The following DCUN1D4 variants were observed in gnomAD, a reference collection of about 807,000 sequenced individuals.
DCUN1D4 encodes defective in cullin neddylation 1 domain containing 4, also known as DCN1-like protein 4.
In DCUN1D4, 22 loss-of-function variants were observed where a neutral mutation model predicts 47.9. The observed-to-expected ratio is 0.46, with a 90% CI of 0.33 to 0.66. DCUN1D4 has a LOEUF of 0.66. Among genes scored for constraint, DCUN1D4 ranks in the 30% least tolerant of loss-of-function variants. The probability of loss-of-function intolerance (pLI) is 0.02; values close to 1 mark genes in which losing one functional copy is unlikely to be tolerated. For synonymous variants in DCUN1D4, 121 were observed against 112.2 expected (o/e 1.08, Z -0.50); for missense variants, 301 against 340.8 (o/e 0.88, Z 0.92).
intron 5 of DCUN1D4, among the ~76,000 whole-genome samples, chr4:51,883,187 G>A (rs968958533): frequency 1.3e-5 from 2 of 152,322 alleles, no homozygotes; most frequent in South Asian, 4.1e-4. Context: ...AAAAGGCAAG[G>A]TGTAGAATTA....
chr4:51,866,822 G>A (rs1033214333), intron 3 of DCUN1D4, among the ~76,000 whole-genome samples: 4 of 152,188 alleles, frequency 2.6e-5, no homozygotes, highest in Admixed American at 2.6e-4. Context: ...CCAATACTGG[G>A]AGTACTTTTC....
At chr4:51,834,096 C>CTTTTTTTTTTTTTTTTTTTTTT in the DCUN1D4 span, among the ~76,000 whole-genome samples, 1 of 43,582 alleles carries the variant, frequency 2.3e-5, no homozygotes, top group African/African-American at 2.1e-4. Context: ...CTTTTCTTTT[C>CTTTTTTTTTTTTTTTTTTTTTT]TTCTTTCTTT....
Position 51,913,565 on chromosome 4 carries a change from A to G in DCUN1D4, c.860A>G (p.Lys287Arg). ...VLLDEFVEWY[K>R]DKQMS The stretch of plus-strand genomic sequence containing the variant: ...TTGGACGAGTTTGTGGAGTGGTATA[A>G]AGACAAACAGATGTCCTAGGACTTT... Residue 287 changes from lysine to arginine, a missense_variant, in exon 11 of 11, where the codon AAA becomes AGA. This residue lies in a region of DCUN1D4 where 170 missense variants were observed against 234.5 expected (regional missense o/e 0.73). Coordinates refer to ENST00000334635, the MANE Select transcript of DCUN1D4 (RefSeq NM_001040402.3). 6.2e-7 allele frequency: 1 copy of G among 1,612,976 alleles called. No individual in the cohort carries two copies. Among genetic ancestry groups the G allele is most frequent in the South Asian group, 1.1e-5 (1 of 90,984 alleles).
At chr4:51,834,673 C>T in the DCUN1D4 span, among the ~76,000 whole-genome samples, 1 of 151,968 alleles carries the variant, frequency 6.6e-6, no homozygotes, top group Non-Finnish European at 1.5e-5. Context: ...TGGGCCTTGT[C>T]CCGAAAATGG....
chr4:51,880,816 TC>T (rs1388955898), intron 5 of DCUN1D4, among the ~76,000 whole-genome samples: 3 of 152,100 alleles, frequency 2.0e-5, no homozygotes, highest in Non-Finnish European at 4.4e-5. Flanking sequence ...GAACCTGGAA[TC>T]CCATTTTGTT....
chr4:51,911,602 C>G (rs1297984891), intron 9 of DCUN1D4, among the ~76,000 whole-genome samples: 1 of 152,186 alleles, frequency 6.6e-6, no homozygotes, highest in Non-Finnish European at 1.5e-5. Flanking sequence ...ATGTTCTTAT[C>G]TACTCTTGTC....
At chr4:51,885,702 G>A (rs1729373690) in intron 5 of DCUN1D4, among the ~76,000 whole-genome samples, 1 of 152,056 alleles carries the variant, frequency 6.6e-6, no homozygotes, top group South Asian at 2.1e-4. Flanking sequence ...GTATATAGCA[G>A]GCACTAGAAG....
chr4:51,876,930 GTAT>G (rs1281382823), intron 4 of DCUN1D4, among the ~76,000 whole-genome samples: 2 of 152,136 alleles, frequency 1.3e-5, no homozygotes, highest in Non-Finnish European at 2.9e-5. Context: ...ATATAAAAAT[GTAT>G]ATACTTATAA....
At chr4:51,864,487 A>C (rs1725587951) in intron 3 of DCUN1D4, among the ~76,000 whole-genome samples, 1 of 152,268 alleles carries the variant, frequency 6.6e-6, no homozygotes, top group African/African-American at 2.4e-5. Flanking sequence ...TGCTGTAACA[A>C]AAATACCTTA....
intron 1 of DCUN1D4, among the ~76,000 whole-genome samples, chr4:51,849,392 G>A (rs1414027630): frequency 1.3e-5 from 2 of 152,110 alleles, no homozygotes; most frequent in Admixed American, 6.6e-5. Flanking sequence ...TCTAATAGCC[G>A]CCTCCCCTTT....
chr4:51,912,831 G>C (rs965198222), intron 9 of DCUN1D4, among the ~76,000 whole-genome samples: 1 of 152,200 alleles, frequency 6.6e-6, no homozygotes, highest in African/African-American at 2.4e-5. Flanking sequence ...CGAAGGCTTG[G>C]CCATGGGCAG....
In DCUN1D4 at chr4:51,874,388, A is replaced by AC. The variant is rs1385086938; in HGVS notation, c.251+3_251+4insC. The stretch of plus-strand genomic sequence containing the variant: ...GCCAAGAAAAGTAGACATGATAGGT[A>AC]TGATGTAGAGACAGTAGATCAGAAT... On this transcript the variant is annotated splice_donor_region_variant and intron_variant, in intron 4 of 10. Transcript: ENST00000334635. 6.3e-7 allele frequency: 1 copy of AC among 1,599,476 alleles called. No individual in the cohort carries two copies. Among genetic ancestry groups the AC allele is most frequent in the South Asian group, 1.1e-5 (1 of 90,478 alleles).
At chr4:51,843,051 C>T (rs1387688096), upstream of DCUN1D4, 1 of 1,384,012 alleles carries the variant, frequency 7.2e-7, no homozygotes, top group Admixed American at 3.2e-5. Context: ...ATGGGCACTC[C>T]TTTTGTCAAA....
At chr4:51,882,824 G>A (rs1728879861) in intron 5 of DCUN1D4, among the ~76,000 whole-genome samples, 1 of 151,932 alleles carries the variant, frequency 6.6e-6, no homozygotes, top group African/African-American at 2.4e-5. Context: ...TTTTAAATTA[G>A]GAAGAATAGA....
At chr4:51,844,947 A>G (rs1443432868) in intron 1 of DCUN1D4, 2 of 985,326 alleles carry the variant, frequency 2.0e-6, no homozygotes, top group South Asian at 9.4e-5. Flanking sequence ...TTGAGTTCCC[A>G]GGGACGGAGC....
At chr4:51,853,140 A>T (rs1723613728) in intron 1 of DCUN1D4, among the ~76,000 whole-genome samples, 1 of 152,176 alleles carries the variant, frequency 6.6e-6, no homozygotes, top group Non-Finnish European at 1.5e-5. Flanking sequence ...CAGCAGGCAC[A>T]GGCAGTGTGG....
chr4:51,848,715 G>A (rs923815643), intron 1 of DCUN1D4, among the ~76,000 whole-genome samples: 1 of 152,134 alleles, frequency 6.6e-6, no homozygotes, highest in Non-Finnish European at 1.5e-5. Context: ...AATAGAATTA[G>A]GTATTTTAAC....
chr4:51,852,780 C>A (rs1485357491), intron 1 of DCUN1D4, among the ~76,000 whole-genome samples: 1 of 152,194 alleles, frequency 6.6e-6, no homozygotes, highest in Non-Finnish European at 1.5e-5. Context: ...TCTGTTATTT[C>A]GGCTTTATGG....
At chr4:51,893,473 T>A (rs1730764446) in intron 7 of DCUN1D4, among the ~76,000 whole-genome samples, 1 of 152,106 alleles carries the variant, frequency 6.6e-6, no homozygotes, top group Non-Finnish European at 1.5e-5. Context: ...TCGCCCAGGC[T>A]GGAGTGCAGT....
Sources: gnomAD v4.1 joint callset for allele counts (sites outside exome capture counted in the v4.1 genomes callset) on GRCh38, gnomAD v4.1.1 for gene constraint, gnomAD v4.1.1 regional missense constraint, MANE v1.5 for transcripts, NCBI Gene and HGNC (gene_info 2026-07-23, HGNC 2026-07-21) for gene names.